Variants in CCAR1 observed in about 807,000 individuals in gnomAD.
CCAR1 encodes the protein cell division cycle and apoptosis regulator protein 1.
CCAR1 carries 78 observed loss-of-function variants against 163.8 expected under a neutral mutation model. The ratio of observed to expected loss-of-function variants is 0.48; its 90% CI spans 0.40 to 0.57. The LOEUF is 0.57. Among genes scored for constraint, CCAR1 ranks in the 20% least tolerant of loss-of-function variants. CCAR1 has a pLI of 0.00. For synonymous variants in CCAR1, 443 were observed against 460.7 expected (o/e 0.96, Z 0.49); for missense variants, 1,019 against 1,365.2 (o/e 0.75, Z 4.00).
chr10:68,729,922 CT>C (rs10708519), intron 2 of CCAR1, among the ~76,000 whole-genome samples: 139,211 of 149,162 alleles, frequency 0.93, 65,030 homozygotes, highest in East Asian at 0.99. Context: ...AGATGACTCA[CT>C]TTTTTTTTTT....
intron 19 of CCAR1, among the ~76,000 whole-genome samples, chr10:68,781,197 C>T (rs1229827116): frequency 1.3e-5 from 2 of 151,456 alleles, no homozygotes; most frequent in Admixed American, 6.6e-5. Context: ...CACGCCACTG[C>T]ACTCCAGCGT....
chr10:68,785,160 G>A (rs1309378715), intron 19 of CCAR1, among the ~76,000 whole-genome samples: 4 of 151,242 alleles, frequency 2.6e-5, no homozygotes, highest in South Asian at 2.1e-4. Flanking sequence ...CTCGTGATCC[G>A]CCCACCTCGG....
rs572923192 is a variant in CCAR1 at position 68,742,579 on chromosome 10, A to G, written c.518+10A>G. On this transcript the variant is annotated intron_variant, in intron 6 of 24. Transcript: ENST00000265872. Reference sequence around the variant, plus strand: ...TATTCTTTCAGCTTAGGTAAACTTAATGAGGTCTTGTCACATGGCTTCTTG... The same window carrying G: ...TATTCTTTCAGCTTAGGTAAACTTAGTGAGGTCTTGTCACATGGCTTCTTG... The G allele has an allele frequency of 1.7e-5, 27 of 1,601,884 alleles. No individual in the cohort carries two copies. The South Asian group carries it at 2.7e-4, about 16-fold the overall frequency.
intron 19 of CCAR1, among the ~76,000 whole-genome samples, chr10:68,783,253 G>T (rs1012997411): frequency 6.6e-6 from 1 of 151,808 alleles, no homozygotes. Flanking sequence ...GCAGTGGCAC[G>T]ATCTTGGCTC....
At chr10:68,726,654 C>G (rs2133298623) in intron 2 of CCAR1, among the ~76,000 whole-genome samples, 1 of 152,176 alleles carries the variant, frequency 6.6e-6, no homozygotes, top group East Asian at 1.9e-4. Context: ...TCCTCCAGCT[C>G]CAGTGCATCC....
chr10:68,743,533 T>C (rs974577798), intron 6 of CCAR1, among the ~76,000 whole-genome samples: 1 of 151,850 alleles, frequency 6.6e-6, no homozygotes, highest in African/African-American at 2.4e-5. Context: ...TTTCTTTTTC[T>C]TTCCTACTTT....
In CCAR1 at chr10:68,787,992, C is replaced by T; in HGVS notation, c.2946C>T (p.Thr982=). ...GCTTTTACCGGAAATTAACAGACAC[C>T]TCAAAAGATGAAGAGAACCATGAAG... ...ESCFYRKLTD[T]SKDEENHEES... Residue 982 remains threonine (T), a synonymous_variant, in exon 22 of 25, where the codon ACC becomes ACT. Coordinates refer to ENST00000265872, the MANE Select transcript of CCAR1 (RefSeq NM_018237.4). 1.9e-6 allele frequency: 3 copies of T among 1,612,638 alleles called. No individual in the cohort carries two copies. Among genetic ancestry groups the T allele is most frequent in the Non-Finnish European group, 2.5e-6 (3 of 1,179,128 alleles).
chr10:68,721,513 C>G lies in CCAR1; in HGVS notation c.-51+231C>G, dbSNP rs1220269375. The stretch of plus-strand genomic sequence containing the variant: ...CCCCCACCGCTCGGCTCCTCAGGTG[C>G]CCCCAGCGCCCCTCAGCCTCGGCAT... On this transcript the variant is annotated intron_variant, in intron 1 of 24. Transcript: ENST00000265872. The G allele has an allele frequency of 6.8e-6, 3 of 440,440 alleles. No individual in the cohort carries two copies. The Admixed American group carries it at 7.2e-5, about 11-fold the overall frequency. The allele number at this position is 440,440 out of a possible 1,614,324, so 27.3% of individuals were successfully genotyped here.
intron 2 of CCAR1, among the ~76,000 whole-genome samples, chr10:68,728,162 T>C (rs1348467141): frequency 1.3e-5 from 2 of 152,138 alleles, no homozygotes; most frequent in African/African-American, 4.8e-5. Context: ...ATTATAGAGG[T>C]ACCTTCAGTA....
At chr10:68,770,667 C>T (rs1201197087) in intron 17 of CCAR1, among the ~76,000 whole-genome samples, 2 of 152,166 alleles carry the variant, frequency 1.3e-5, no homozygotes, top group Middle Eastern at 3.4e-3. Flanking sequence ...GGCTTGAACT[C>T]GGGAAGCAGA....
In CCAR1 at chr10:68,788,154, T is replaced by A. The variant is rs1279651224; in HGVS notation, c.3013T>A (p.Leu1005Ile). 1 of 1,567,128 alleles carries A rather than the reference T, an allele frequency of 6.4e-7. No homozygotes were observed. Among genetic ancestry groups the A allele is most frequent in the Non-Finnish European group, 8.6e-7 (1 of 1,163,556 alleles). Residue 1005 changes from leucine (L) to isoleucine (I), a missense_variant, in exon 23 of 25, where the codon TTA becomes ATA. Physicochemically the swap from Leu to Ile is conservative, Grantham distance 5. Transcript: ENST00000265872. ...LQEDMLGNRL[L>I]LPTPTVKQES... ...ATTTTATATTATAGGAAACAGATTA[T>A]TACTTCCAACACCAACAGTAAAGCA...
intron 17 of CCAR1, 92 bp from the exon 18 acceptor site, chr10:68,771,114 G>T (rs568656420): frequency 6.6e-4 from 720 of 1,088,032 alleles, no homozygotes; most frequent in Middle Eastern, 2.9e-3. Flanking sequence ...CATAATCGTT[G>T]TATGTGGCAA....
intron 18 of CCAR1, among the ~76,000 whole-genome samples, chr10:68,772,127 C>T (rs1347450913): frequency 6.6e-6 from 1 of 152,112 alleles, no homozygotes; most frequent in Non-Finnish European, 1.5e-5. Context: ...GCTCTGCCCA[C>T]CTCAGCCTCC....
intron 2 of CCAR1, among the ~76,000 whole-genome samples, chr10:68,728,485 A>G (rs1432042189): frequency 1.3e-5 from 2 of 152,040 alleles, no homozygotes; most frequent in Non-Finnish European, 2.9e-5. Context: ...TCAACTGCCT[A>G]AGGGGATTGG....
chr10:68,747,924 G>A (rs2056278787), intron 8 of CCAR1, among the ~76,000 whole-genome samples: 1 of 152,058 alleles, frequency 6.6e-6, no homozygotes, highest in Non-Finnish European at 1.5e-5. Context: ...TGCAATCTGG[G>A]CTCACTGCAA....
chr10:68,786,251 G>A (rs373059874), intron 20 of CCAR1, 33 bp downstream of exon 20: 5 of 1,375,422 alleles, frequency 3.6e-6, no homozygotes, highest in Non-Finnish European at 5.1e-6. Flanking sequence ...TTTATAATAT[G>A]GTGATATCTT....
intron 19 of CCAR1, 78 bp from the exon 20 acceptor site, chr10:68,786,058 A>G (rs1389448483): frequency 2.2e-6 from 2 of 919,498 alleles, no homozygotes; most frequent in East Asian, 2.6e-5. Flanking sequence ...TAGCTGGGAT[A>G]ACAGTCATGT....
intron 15 of CCAR1, among the ~76,000 whole-genome samples, chr10:68,758,292 C>T (rs897672936): frequency 5.3e-5 from 8 of 151,990 alleles, no homozygotes; most frequent in Admixed American, 1.3e-4. Flanking sequence ...TGGCCTCAAG[C>T]GATCTATCCA....
At chr10:68,760,879 CAAAA>C (rs3998847) in intron 15 of CCAR1, 124 bp from the exon 16 acceptor site, 5,484 of 297,908 alleles carry the variant, frequency 0.018, 3 homozygotes, top group South Asian at 0.027. Flanking sequence ...AAACAAAAAA[CAAAA>C]AAAAAAAAAA....
Sources: allele counts gnomAD v4.1 joint callset (sites outside exome capture counted in the v4.1 genomes callset), GRCh38; gene constraint gnomAD v4.1.1; transcripts MANE v1.5; gene names NCBI Gene and HGNC (gene_info 2026-07-23, HGNC 2026-07-21).